TJP2: variants seen among roughly 807,000 people sequenced by gnomAD.
TJP2 encodes Friedreich ataxia region gene X104 (tight junction protein ZO-2).
TJP2 carries 91 observed loss-of-function variants against 133.1 expected under a neutral mutation model. That is an observed-to-expected ratio of 0.68 (90% confidence interval 0.58 to 0.81). The LOEUF (loss-of-function observed/expected upper bound fraction) is 0.81, where lower values mean the gene tolerates loss of function less well. Among genes scored for constraint, TJP2 ranks in the 40% least tolerant of loss-of-function variants. The pLI is 0.00. For missense variants in TJP2, 1,541 were observed against 1,565.6 expected (o/e 0.98, Z 0.26); for synonymous variants, 592 against 583.4 (o/e 1.01, Z -0.21).
chr9:69,128,671 C>G (rs1261642710), intron 1 of TJP2, among the ~76,000 whole-genome samples: 1 of 151,928 alleles, frequency 6.6e-6, no homozygotes, highest in Non-Finnish European at 1.5e-5. Context: ...TACAGGCGCC[C>G]AACACCACGC....
intron 22 of TJP2, chr9:69,253,165 T>G: frequency 1.9e-6 from 1 of 514,322 alleles, no homozygotes; most frequent in Non-Finnish European, 3.5e-6. Flanking sequence ...TGGAGCCTGG[T>G]TATGTTACAT....
At chr9:69,181,606 T>C (rs528468620) in intron 1 of TJP2, among the ~76,000 whole-genome samples, 2 of 152,336 alleles carry the variant, frequency 1.3e-5, no homozygotes, top group African/African-American at 4.8e-5. Flanking sequence ...TCAAAGTCTT[T>C]TGTGCTTAAG....
At chr9:69,164,908 C>A (rs1824268460) in intron 2 of TJP2, among the ~76,000 whole-genome samples, 1 of 152,122 alleles carries the variant, frequency 6.6e-6, no homozygotes, top group Non-Finnish European at 1.5e-5. Context: ...TGGCTCACTG[C>A]AAACTCCGCC....
intron 1 of TJP2, among the ~76,000 whole-genome samples, chr9:69,131,994 C>T (rs1411109167): frequency 6.6e-6 from 1 of 152,214 alleles, no homozygotes; most frequent in South Asian, 2.1e-4. Flanking sequence ...GGGAGAAGTA[C>T]TGGAGCGAAG....
chr9:69,230,101 A>G lies in TJP2; in HGVS notation c.1540A>G (p.Arg514Gly). ...TTGCAGCCCTAATACCAAAATGGTA[A>G]GGTTCAAGAAGGGAGACAGCGTGGG... ...AIYGPNTKMV[R>G]FKKGDSVGLR... The change falls in exon 11 of 23, where the codon AGG (arginine) becomes GGG (glycine). Residue 514 changes from arginine to glycine, a missense_variant. Arg to Gly is a moderately radical substitution (Grantham distance 125). Transcript: ENST00000377245. 6.2e-7 allele frequency: 1 copy of G among 1,614,172 alleles called. No individual in the cohort carries two copies. The highest frequency in any genetic ancestry group is 8.5e-7 in the Non-Finnish European group (1 of 1,180,018).
In TJP2 at chr9:69,228,085, AG is replaced by A; in HGVS notation, c.1426del (p.Glu476AsnfsTer38). 1 of 1,612,946 alleles carries A rather than the reference AG, an allele frequency of 6.2e-7. No homozygotes were observed. The highest frequency in any genetic ancestry group is 8.5e-7 in the Non-Finnish European group (1 of 1,179,454). On this transcript the variant is annotated frameshift_variant, in exon 9 of 23. Transcript: ENST00000377245. LOFTEE classifies it high-confidence loss of function. The stretch of plus-strand genomic sequence containing the variant: ...GGCACAGTTGTCCCAGAGACCAACA[AG>A]GAACCCAGATACCAAGAGGACCCCC... Reference protein sequence around the residue: ...IAGTVVPETNKEPRYQEDPPA... With the variant: ...IAGTVVPETNXEPRYQEDPPA...
Position 69,251,121 on chromosome 9 carries a change from A to T in TJP2, c.3078A>T (p.Glu1026Asp). 6.2e-7 allele frequency: 1 copy of T among 1,614,094 alleles called. No homozygotes were observed. The highest frequency in any genetic ancestry group is 8.5e-7 in the Non-Finnish European group (1 of 1,180,032). The change falls in exon 21 of 23, where the codon GAA becomes GAT. Residue 1026 changes from glutamate to aspartate, a missense_variant. Glu to Asp is a conservative substitution (Grantham distance 45, BLOSUM62 2). Transcript: ENST00000377245. Reference sequence around the variant, plus strand: ...ACCCCTCTGCCGTTGCTGGTAATGAAACTCCTGGGGCATCTACCAAAGGTT... The same window carrying T: ...ACCCCTCTGCCGTTGCTGGTAATGATACTCCTGGGGCATCTACCAAAGGTT... ...KSNPSAVAGNETPGASTKGYP... is the reference protein window; with the variant it reads ...KSNPSAVAGNDTPGASTKGYP...
At chr9:69,121,442 C>G (rs554111479), upstream of TJP2, 1 of 749,176 alleles carries the variant, frequency 1.3e-6, no homozygotes, top group Non-Finnish European at 1.6e-6. Flanking sequence ...CCCCTGCCCC[C>G]ACCCTGGATT....
chr9:69,225,261 C>A (rs1287168070), intron 5 of TJP2, 43 bp from the exon 6 acceptor site: 2 of 1,357,910 alleles, frequency 1.5e-6, no homozygotes, highest in Non-Finnish European at 2.1e-6. Flanking sequence ...GTTTTTTGAA[C>A]AAATTGATAA....
intron 1 of TJP2, among the ~76,000 whole-genome samples, chr9:69,177,675 T>C (rs1204217526): frequency 2.0e-5 from 3 of 151,998 alleles, no homozygotes; most frequent in Non-Finnish European, 2.9e-5. Flanking sequence ...GATGGAGTCT[T>C]GCTCTGTTGC....
chr9:69,198,191 G>A (rs1826731547), intron 1 of TJP2, among the ~76,000 whole-genome samples: 2 of 136,388 alleles, frequency 1.5e-5, no homozygotes, highest in South Asian at 4.6e-4. Context: ...ACCCAGGCTG[G>A]AGTGCAGTGA....
chr9:69,203,607 AT>A (rs754221310), intron 1 of TJP2, among the ~76,000 whole-genome samples: 64 of 67,844 alleles, frequency 9.4e-4, no homozygotes, highest in African/African-American at 1.5e-3. Context: ...CCCAGCCTGG[AT>A]TTTTTTTTTT....
At chr9:69,184,683 A>C (rs1348089064) in intron 1 of TJP2, among the ~76,000 whole-genome samples, 1 of 151,856 alleles carries the variant, frequency 6.6e-6, no homozygotes, top group African/African-American at 2.4e-5. Context: ...CAGTGGTTAT[A>C]ATTTATTATT....
chr9:69,195,599 G>A lies in TJP2; in HGVS notation c.61-16949G>A, dbSNP rs532788085. 2.6e-5 allele frequency among the ~76,000 whole-genome samples: 4 copies of A among 152,240 alleles called. No homozygotes were observed. The South Asian group carries it at 8.3e-4, about 32-fold the overall frequency. ...GGGTTAGGGTATAGGGTTTTTGGAGGATTAATAGGCAATAGCCATAAAATA... is the reference window on the plus strand; with the variant it reads ...GGGTTAGGGTATAGGGTTTTTGGAGAATTAATAGGCAATAGCCATAAAATA... On this transcript the variant is annotated intron_variant, in intron 1 of 22. Coordinates refer to ENST00000377245, the MANE Select transcript of TJP2 (RefSeq NM_004817.4).
intron 10 of TJP2, 130 bp from the exon 11 acceptor site, chr9:69,229,952 A>G: frequency 8.1e-7 from 1 of 1,235,470 alleles, no homozygotes; most frequent in Admixed American, 1.9e-5. Flanking sequence ...TAGATGAGAA[A>G]AATGAGAGGG....
chr9:69,239,463 A>G (rs993322590), intron 16 of TJP2, among the ~76,000 whole-genome samples: 2 of 152,188 alleles, frequency 1.3e-5, no homozygotes, highest in Non-Finnish European at 2.9e-5. Flanking sequence ...CAGAAGTTCT[A>G]ACACATTGGT....
chr9:69,174,246 G>T (rs1824878243), upstream of TJP2: 1 of 1,516,690 alleles, frequency 6.6e-7, no homozygotes, highest in Non-Finnish European at 8.9e-7. Context: ...GGTCCCCGCG[G>T]GTCGGCACCC....
At chr9:69,184,821 G>T (rs1179561237) in intron 1 of TJP2, among the ~76,000 whole-genome samples, 1 of 142,480 alleles carries the variant, frequency 7.0e-6, no homozygotes, top group East Asian at 2.1e-4. Context: ...TGCCGTCACA[G>T]CTCACTGCAG....
chr9:69,213,700 A>G (rs1828119935), intron 2 of TJP2, among the ~76,000 whole-genome samples: 1 of 152,096 alleles, frequency 6.6e-6, no homozygotes, highest in Non-Finnish European at 1.5e-5. Context: ...CTTAGGTCTT[A>G]TTTTTCAACT....
Sources: allele counts gnomAD v4.1 joint callset (sites outside exome capture counted in the v4.1 genomes callset), GRCh38; gene constraint gnomAD v4.1.1; transcripts MANE v1.5; gene names NCBI Gene and HGNC (gene_info 2026-07-23, HGNC 2026-07-21).